The following SP6 variants were observed in gnomAD, a reference collection of about 807,000 sequenced individuals.
The protein encoded by SP6 is transcription factor Sp6.
SP6 carries 10 observed loss-of-function variants against 23.4 expected under a neutral mutation model. The ratio of observed to expected loss-of-function variants is 0.43; its 90% CI spans 0.26 to 0.72. The LOEUF (loss-of-function observed/expected upper bound fraction) is 0.72, where lower values mean the gene tolerates loss of function less well. Ranked by LOEUF, SP6 falls within the 30% of genes least tolerant of loss-of-function variation. The pLI is 0.23. For missense variants in SP6, 482 were observed against 523.8 expected, an observed-to-expected ratio of 0.92 and a Z score of 0.78; for synonymous variants, 238 against 238.7, an observed-to-expected ratio of 1.00 and a Z score of 0.03.
At chr17:47,868,561 G>C in the SP6 span, among the ~76,000 whole-genome samples, 2 of 152,190 alleles carry the variant, frequency 1.3e-5, no homozygotes, top group Admixed American at 6.5e-5. Flanking sequence ...AAGGGACAGA[G>C]CTTTCACACT....
At chr17:47,867,609 G>A in the SP6 span, among the ~76,000 whole-genome samples, 1 of 152,112 alleles carries the variant, frequency 6.6e-6, no homozygotes, top group African/African-American at 2.4e-5. Context: ...TGGAGGCTCC[G>A]ATCCTCCCAC....
chr17:47,865,491 G>C, the SP6 span, among the ~76,000 whole-genome samples: 1 of 152,058 alleles, frequency 6.6e-6, no homozygotes, highest in Non-Finnish European at 1.5e-5. Context: ...CTGCCTCCAA[G>C]CCACCCTGGG....
Position 47,848,553 on chromosome 17 carries a change from C to A in SP6, c.-57-67G>T. 1.1e-6 allele frequency: 1 copy of A among 890,164 alleles called. No homozygotes were observed. The highest frequency in any genetic ancestry group is 1.7e-6 in the Non-Finnish European group (1 of 595,982). The allele number at this position is 890,164 out of a possible 1,614,324, so 55.1% of individuals were successfully genotyped here. On this transcript the variant is annotated intron_variant, in intron 1 of 1. Coordinates refer to ENST00000536300, the MANE Select transcript of SP6 (RefSeq NM_001258248.2). This position sits in a 1 kb window ranked among gnomAD's most constrained non-coding sequence, Gnocchi z 5.3. ...GCTCACTTTCCCTCCTAACCCAGGT[C>A]CTCCTCTCTGGCCCCAGGTGTAAAA... is the stretch of plus-strand genomic sequence containing the variant.
At chr17:47,860,036 C>T (rs573403930), upstream of SP6, among the ~76,000 whole-genome samples, 1 of 151,070 alleles carries the variant, frequency 6.6e-6, no homozygotes, top group African/African-American at 2.4e-5. Context: ...CATTCAATAG[C>T]CCCCCATTAC....
chr17:47,854,762 TAGGGAAACCAAACCCCAAAAC>T (rs1424111667), upstream of SP6, among the ~76,000 whole-genome samples: 2 of 152,182 alleles, frequency 1.3e-5, no homozygotes, highest in African/African-American at 4.8e-5. Context: ...GTTTTACTGG[TAGGGAAACCAAACCCCAAAAC>T]AGGGACGTTA....
At chr17:47,850,556 A>G (rs1414615969) in intron 1 of SP6, among the ~76,000 whole-genome samples, 2 of 152,354 alleles carry the variant, frequency 1.3e-5, no homozygotes, top group Non-Finnish European at 1.5e-5. Flanking sequence ...GAAAGAGTTC[A>G]GGAAAGGAGA....
upstream of SP6, among the ~76,000 whole-genome samples, chr17:47,857,549 T>G (rs550404874): frequency 1.3e-5 from 2 of 152,144 alleles, no homozygotes; most frequent in East Asian, 3.9e-4. Flanking sequence ...ACCTGGACCT[T>G]CAGGCCCACA....
At chr17:47,861,652 G>A in the SP6 span, among the ~76,000 whole-genome samples, 1 of 152,126 alleles carries the variant, frequency 6.6e-6, no homozygotes, top group African/African-American at 2.4e-5. Context: ...AGAATCGCTT[G>A]AACCCAGGAG....
In SP6 at chr17:47,848,794, TCCC is replaced by T; in HGVS notation, c.-57-311_-57-309del. Among the ~76,000 whole-genome samples, 1 of 152,112 alleles carries T rather than the reference TCCC, an allele frequency of 6.6e-6. No homozygotes were observed. Among genetic ancestry groups the T allele is most frequent in the African/African-American group, 2.4e-5 (1 of 41,476 alleles). ...CACCTACAGCACAGTGCTAGAACCATCCCCACCCCAGCTGCCCAGGCCAACACA... is the reference window on the plus strand; with the variant it reads ...CACCTACAGCACAGTGCTAGAACCATCACCCCAGCTGCCCAGGCCAACACA... On this transcript the variant is annotated intron_variant, in intron 1 of 1. Coordinates refer to ENST00000536300, the MANE Select transcript of SP6 (RefSeq NM_001258248.2). This position sits in a 1 kb window ranked among gnomAD's most constrained non-coding sequence, Gnocchi z 5.3.
In SP6 at chr17:47,848,201, T is replaced by C; in HGVS notation, c.229A>G (p.Thr77Ala). Residue 77 changes from threonine to alanine, a missense_variant, in exon 2 of 2, where the codon ACC becomes GCC. Around this residue, in one of 3 missense-constraint regions of SP6, gnomAD observed 330 missense variants for 332.3 expected, o/e 0.99. Coordinates refer to ENST00000536300, the MANE Select transcript of SP6 (RefSeq NM_001258248.2). The surrounding 1 kb of genome is among the most constrained non-coding windows in gnomAD (Gnocchi z 5.3). ...YELPGASSRV[T>A]CEDLESDSPL... Reference sequence around the variant, plus strand: ...CTGTCGCTTTCCAGGTCCTCGCAGGTTACCCGCGAGGAGGCCCCTGGCAGC... The same window carrying C: ...CTGTCGCTTTCCAGGTCCTCGCAGGCTACCCGCGAGGAGGCCCCTGGCAGC... The C allele has an allele frequency of 6.2e-7, 1 of 1,612,984 alleles. No homozygotes were observed. Among genetic ancestry groups the C allele is most frequent in the East Asian group, 2.2e-5 (1 of 44,858 alleles).
the SP6 span, among the ~76,000 whole-genome samples, chr17:47,863,089 A>T: frequency 2.0e-5 from 3 of 152,284 alleles, no homozygotes; most frequent in East Asian, 5.8e-4. Context: ...CTCTCTGCAC[A>T]GCCAGCTGCC....
At chr17:47,872,684 C>T in the SP6 span, among the ~76,000 whole-genome samples, 1 of 152,180 alleles carries the variant, frequency 6.6e-6, no homozygotes, top group Non-Finnish European at 1.5e-5. Flanking sequence ...ACCCAGCCTC[C>T]GTTGAGGACG....
chr17:47,860,482 G>A (rs1184525489), upstream of SP6, among the ~76,000 whole-genome samples: 2 of 152,218 alleles, frequency 1.3e-5, no homozygotes, highest in Non-Finnish European at 2.9e-5. Context: ...TACTGAGTGT[G>A]CAATAAATAT....
Position 47,847,698 on chromosome 17 carries a change from C to G in SP6, c.732G>C (p.Gly244=), listed in dbSNP as rs1307624900. The change falls in exon 2 of 2, where the codon GGG becomes GGC. Residue 244 remains glycine (G), a synonymous_variant. Transcript: ENST00000536300. ...LEAERLGAPC[G]PDGGKKKHLH... ...AATGCTTCTTCTTGCCCCCATCGGG[C>G]CCACATGGAGCCCCCAGTCGCTCCG... 1 of 1,605,484 alleles carries G rather than the reference C, an allele frequency of 6.2e-7. No individual in the cohort carries two copies. The highest frequency in any genetic ancestry group is 1.3e-5 in the African/African-American group (1 of 74,768).
At chr17:47,863,369 T>C in the SP6 span, 1 of 152,170 alleles carries the variant, frequency 6.6e-6, no homozygotes, top group Admixed American at 6.5e-5. Context: ...GTTTCGTTCA[T>C]TGCACTACTC....
chr17:47,864,988 G>T, the SP6 span: 1 of 152,262 alleles, frequency 6.6e-6, no homozygotes, highest in East Asian at 1.9e-4. Flanking sequence ...GCCTGGCATC[G>T]ACTCATGCCA....
At position 47,847,242 on chromosome 17, in the gene SP6, T is replaced by A; in HGVS notation, c.*57A>T. 9 of 1,440,390 alleles carry A rather than the reference T, an allele frequency of 6.2e-6. No individual in the cohort carries two copies. The allele number at this position is 1,440,390 out of a possible 1,614,324, so 89.2% of individuals were successfully genotyped here. A position where few individuals can be genotyped will look rare whatever the true frequency, so the allele number is the denominator to read the frequency against. Reference sequence around the variant, plus strand: ...AAGCCACCCCCAAGGACGTCAGACCTGGGGGCTCGCATCCAGTGCCCCCCG... The same window carrying A: ...AAGCCACCCCCAAGGACGTCAGACCAGGGGGCTCGCATCCAGTGCCCCCCG... On this transcript the variant is annotated 3_prime_UTR_variant, in exon 2 of 2. Coordinates refer to ENST00000536300, the MANE Select transcript of SP6 (RefSeq NM_001258248.2).
In SP6 at chr17:47,850,537, C is replaced by T. The variant is rs1299244699; in HGVS notation, c.-58+382G>A. 6.6e-5 allele frequency among the ~76,000 whole-genome samples: 10 copies of T among 152,198 alleles called. No homozygotes were observed. In the East Asian group the frequency reaches 1.9e-3, roughly 29 times the overall value. ...TGCCAAGTATGTGTCCGGTTCACTTCCAGGCCTAGAAAGAGTTCAGGAAAG... is the reference window on the plus strand; with the variant it reads ...TGCCAAGTATGTGTCCGGTTCACTTTCAGGCCTAGAAAGAGTTCAGGAAAG... On this transcript the variant is annotated intron_variant, in intron 1 of 1. Coordinates refer to ENST00000536300, the MANE Select transcript of SP6 (RefSeq NM_001258248.2).
the SP6 span, among the ~76,000 whole-genome samples, chr17:47,861,282 C>T: frequency 2.0e-5 from 3 of 152,136 alleles, no homozygotes; most frequent in Admixed American, 6.5e-5. Context: ...GGGGTGGGGG[C>T]CTGTCTGGAA....
Sources: gnomAD v4.1 joint callset for allele counts (sites outside exome capture counted in the v4.1 genomes callset) on GRCh38, gnomAD v4.1.1 for gene constraint, gnomAD v4.1.1 regional missense constraint, Gnocchi (gnomAD v3.1) non-coding constraint, MANE v1.5 for transcripts, NCBI Gene and HGNC (gene_info 2026-07-23, HGNC 2026-07-21) for gene names.